Variants in EML5 observed in about 807,000 individuals in gnomAD.
EML5 encodes echinoderm microtubule-associated protein-like 5.
In EML5, 120 loss-of-function variants were observed where a neutral mutation model predicts 250.0. The ratio of observed to expected loss-of-function variants is 0.48; its 90% CI spans 0.41 to 0.56. The LOEUF is 0.56. Ranked by LOEUF, EML5 falls within the 20% of genes least tolerant of loss-of-function variation. The probability of loss-of-function intolerance (pLI) is 0.00; values close to 1 mark genes in which losing one functional copy is unlikely to be tolerated. For missense variants in EML5, 2,006 were observed against 2,437.6 expected (o/e 0.82, Z 3.73); for synonymous variants, 771 against 806.5 (o/e 0.96, Z 0.75).
chr14:88,696,774 C>G (rs58625162), intron 15 of EML5, 73 bp downstream of exon 15: 27,836 of 1,045,816 alleles, frequency 0.027, 1,980 homozygotes, highest in African/African-American at 0.17. Context: ...TTAGGTAACA[C>G]TGACTTAGAT....
chr14:88,677,189 GCCA>G (rs776733425), intron 21 of EML5, among the ~76,000 whole-genome samples: 9 of 152,020 alleles, frequency 5.9e-5, no homozygotes, highest in Non-Finnish European at 1.0e-4. Flanking sequence ...ACAGGAATGA[GCCA>G]CCACACCTGG....
At chr14:88,663,172 T>C (rs996545212) in intron 23 of EML5, 53 bp from the exon 24 acceptor site, 2 of 1,207,836 alleles carry the variant, frequency 1.7e-6, no homozygotes, top group South Asian at 1.7e-5. Flanking sequence ...TACAAATATA[T>C]ATACCATCAG....
At chr14:88,731,785 A>T (rs2093762568) in intron 7 of EML5, among the ~76,000 whole-genome samples, 1 of 151,952 alleles carries the variant, frequency 6.6e-6, no homozygotes, top group South Asian at 2.1e-4. Flanking sequence ...ATGGTACCTC[A>T]TTGTGGTTTT....
intron 27 of EML5, among the ~76,000 whole-genome samples, chr14:88,653,313 C>G (rs1490680149): frequency 6.6e-6 from 1 of 152,144 alleles, no homozygotes; most frequent in East Asian, 1.9e-4. Context: ...ATTGCCCTGG[C>G]CAGAACTTCC....
chr14:88,614,837 G>A lies in EML5; in HGVS notation c.*981C>T, dbSNP rs1003589929. The A allele has an allele frequency of 1.3e-5, 2 of 152,162 alleles. No homozygotes were observed. The highest frequency in any genetic ancestry group is 4.8e-5 in the African/African-American group (2 of 41,434). 9.4% of individuals were successfully genotyped at this position (152,162 alleles called of 1,614,324 possible). ...TTCATTTTGGAAATAAACCTATGGA[G>A]TGGCACACATCTAAACAAATTTTCC... On this transcript the variant is annotated 3_prime_UTR_variant, in exon 44 of 44. Transcript: ENST00000554922.
chr14:88,713,011 G>A (rs746063069), intron 9 of EML5, among the ~76,000 whole-genome samples: 4 of 152,130 alleles, frequency 2.6e-5, no homozygotes, highest in African/African-American at 9.7e-5. Context: ...CTTTTGGGGA[G>A]ATGCATTAAT....
chr14:88,763,514 T>C (rs997645589), intron 1 of EML5, among the ~76,000 whole-genome samples: 46 of 152,062 alleles, frequency 3.0e-4, no homozygotes, highest in African/African-American at 1.0e-3. Context: ...CAGTAATTAA[T>C]AGCCTACCAA....
At chr14:88,634,415 C>T in intron 33 of EML5, 54 bp downstream of exon 33, 3 of 1,215,376 alleles carry the variant, frequency 2.5e-6, no homozygotes, top group Non-Finnish European at 3.4e-6. Flanking sequence ...GTTTAATATG[C>T]ACTATCATTA....
intron 1 of EML5, among the ~76,000 whole-genome samples, chr14:88,765,905 G>A (rs759289472): frequency 2.9e-4 from 44 of 152,306 alleles, no homozygotes; most frequent in Admixed American, 3.9e-4. Flanking sequence ...CGGAGGGACC[G>A]GCTGAAGCCA....
At chr14:88,679,447 T>G (rs1409414557) in intron 21 of EML5, among the ~76,000 whole-genome samples, 2 of 152,160 alleles carry the variant, frequency 1.3e-5, no homozygotes, top group Admixed American at 6.5e-5. Context: ...ATCTTAGCAC[T>G]TTGGGAGGCC....
intron 29 of EML5, among the ~76,000 whole-genome samples, chr14:88,646,696 AATAAAATTATACAACTT>A (rs1480675124): frequency 2.0e-5 from 3 of 152,180 alleles, no homozygotes; most frequent in Admixed American, 1.3e-4. Context: ...CATTGCTGAA[AATAAAATTATACAACTT>A]ATAAAATTAT....
chr14:88,662,269 T>C lies in EML5; in HGVS notation c.3499-439A>G, dbSNP rs141385856. Among the ~76,000 whole-genome samples, 474 of 128,862 alleles carry C rather than the reference T, an allele frequency of 3.7e-3. 4 individuals are homozygous for C. Among genetic ancestry groups the C allele is most frequent in the African/African-American group, 0.014 (441 of 30,878 alleles). The allele number at this position is 128,862 out of a possible 152,430, so 84.5% of individuals were successfully genotyped here. Reference sequence around the variant, plus strand: ...GTTAAATTTGTTAAGCCTCTCTTCCTAGGCCAAGATAAAAAATAAAAAAAA... The same window carrying C: ...GTTAAATTTGTTAAGCCTCTCTTCCCAGGCCAAGATAAAAAATAAAAAAAA... On this transcript the variant is annotated intron_variant, in intron 24 of 43. Transcript: ENST00000554922.
intron 8 of EML5, among the ~76,000 whole-genome samples, chr14:88,725,924 A>G (rs2093659669): frequency 6.6e-6 from 1 of 152,196 alleles, no homozygotes; most frequent in Non-Finnish European, 1.5e-5. Flanking sequence ...TTCTGAATTG[A>G]GCAACTGAGC....
rs1304028352 is a variant in EML5 at position 88,613,822 on chromosome 14, T to C, written c.*1996A>G. ...TAGATACTGCACACAAAAATAATTA[T>C]CTGGGTTAAAAAAGTAAACATAGGG... On this transcript the variant is annotated 3_prime_UTR_variant, in exon 44 of 44. Transcript: ENST00000554922. 6.6e-6 allele frequency: 1 copy of C among 152,176 alleles called. No homozygotes were observed. The highest frequency in any genetic ancestry group is 1.5e-5 in the Non-Finnish European group (1 of 68,008). The allele number at this position is 152,176 out of a possible 1,614,324, so 9.4% of individuals were successfully genotyped here. A position where few individuals can be genotyped will look rare whatever the true frequency, so the allele number is the denominator to read the frequency against.
At position 88,620,238 on chromosome 14, in the gene EML5, T is replaced by TAAATGGTAGCCACTGTTG. The variant is rs2088644413; in HGVS notation, c.5375+498_5375+515dup. 1 of 152,312 alleles carries TAAATGGTAGCCACTGTTG rather than the reference T, an allele frequency of 6.6e-6. No individual in the cohort carries two copies. Among genetic ancestry groups the TAAATGGTAGCCACTGTTG allele is most frequent in the Non-Finnish European group, 1.5e-5 (1 of 68,106 alleles). 9.4% of individuals were successfully genotyped at this position (152,312 alleles called of 1,614,324 possible). A position where few individuals can be genotyped will look rare whatever the true frequency, so the allele number is the denominator to read the frequency against. On this transcript the variant is annotated intron_variant, in intron 39 of 43. Transcript: ENST00000554922. The surrounding 1 kb of genome is among the most constrained non-coding windows in gnomAD (Gnocchi z 4.3). The stretch of plus-strand genomic sequence containing the variant: ...CTACTGATCACACGGAAGTACTCCG[T>TAAATGGTAGCCACTGTTG]AAATGGTAGCCACTGTTGAAAAATG...
intron 6 of EML5, 134 bp downstream of exon 6, chr14:88,738,745 G>A: frequency 9.6e-7 from 1 of 1,036,314 alleles, no homozygotes; most frequent in Non-Finnish European, 1.3e-6. Context: ...TTAATCAAAT[G>A]CATACAGGGT....
intron 7 of EML5, among the ~76,000 whole-genome samples, chr14:88,735,680 A>T (rs1037257482): frequency 6.6e-6 from 1 of 152,204 alleles, no homozygotes; most frequent in Non-Finnish European, 1.5e-5. Flanking sequence ...TTTATCAGAG[A>T]TATTCATACA....
At chr14:88,782,998 G>T (rs1013599102) in intron 1 of EML5, among the ~76,000 whole-genome samples, 2 of 152,006 alleles carry the variant, frequency 1.3e-5, no homozygotes, top group Non-Finnish European at 2.9e-5. Flanking sequence ...AGAATCGCTT[G>T]AACCCAAGAG....
At chr14:88,728,947 C>A (rs1233244683) in intron 7 of EML5, among the ~76,000 whole-genome samples, 3 of 151,794 alleles carry the variant, frequency 2.0e-5, no homozygotes, top group African/African-American at 7.3e-5. Context: ...TTTCTAAATG[C>A]TTTTATAGTA....
Sources: gnomAD v4.1 joint callset for allele counts (sites outside exome capture counted in the v4.1 genomes callset) on GRCh38, gnomAD v4.1.1 for gene constraint, Gnocchi (gnomAD v3.1) non-coding constraint, MANE v1.5 for transcripts, NCBI Gene and HGNC (gene_info 2026-07-23, HGNC 2026-07-21) for gene names.